The following RNF20 variants were observed in gnomAD, a reference collection of about 807,000 sequenced individuals.
The protein encoded by RNF20 is E3 ubiquitin-protein ligase BRE1A.
RNF20 carries 84 observed loss-of-function variants against 126.2 expected under a neutral mutation model. The ratio of observed to expected loss-of-function variants is 0.67; its 90% CI spans 0.56 to 0.80. The LOEUF is 0.80. RNF20 is among the 30% of genes least tolerant of loss of function. The pLI is 0.00. For missense variants in RNF20, 869 were observed against 1,188.2 expected (o/e 0.73, Z 3.95); for synonymous variants, 400 against 414.3 (o/e 0.97, Z 0.42).
chr9:101,556,865 G>T (rs529995662), intron 15 of RNF20, among the ~76,000 whole-genome samples: 2 of 152,264 alleles, frequency 1.3e-5, no homozygotes, highest in East Asian at 3.9e-4. Context: ...ATAGGCAAAA[G>T]AAATGAGTTG....
chr9:101,558,983 G>A (rs926086482), intron 16 of RNF20, among the ~76,000 whole-genome samples: 1 of 152,136 alleles, frequency 6.6e-6, no homozygotes, highest in Non-Finnish European at 1.5e-5. Flanking sequence ...CTAAGCCATT[G>A]TCTAGAAGGA....
At chr9:101,541,105 G>A (rs752140129) in intron 5 of RNF20, 130 bp downstream of exon 5, 1 of 617,442 alleles carries the variant, frequency 1.6e-6, no homozygotes, top group Non-Finnish European at 2.4e-6. Context: ...AAGAGATAAG[G>A]TTTCACTGTG....
At chr9:101,543,739 T>C (rs1203118610) in intron 5 of RNF20, among the ~76,000 whole-genome samples, 1 of 152,282 alleles carries the variant, frequency 6.6e-6, no homozygotes, top group Non-Finnish European at 1.5e-5. Flanking sequence ...AGCCCTGTCC[T>C]CAGTGCTTAG....
chr9:101,555,630 G>T (rs1322482689), intron 15 of RNF20, among the ~76,000 whole-genome samples: 2 of 152,024 alleles, frequency 1.3e-5, no homozygotes, highest in Non-Finnish European at 2.9e-5. Context: ...AACTTCATTA[G>T]ATCCTATACA....
intron 5 of RNF20, among the ~76,000 whole-genome samples, chr9:101,544,463 T>C (rs1352466816): frequency 6.6e-6 from 1 of 152,136 alleles, no homozygotes; most frequent in Non-Finnish European, 1.5e-5. Context: ...CCCAGCACTT[T>C]GGGAGGCTGA....
intron 19 of RNF20, 106 bp from the exon 20 acceptor site, chr9:101,562,139 CT>C (rs777849609): frequency 4.1e-5 from 55 of 1,356,540 alleles, no homozygotes; most frequent in Non-Finnish European, 5.5e-5. Context: ...AAATGATGCT[CT>C]TTTTTTAGTG....
In RNF20 at chr9:101,551,707, G is replaced by A. The variant is rs1827449397; in HGVS notation, c.1296G>A (p.Lys432=). The A allele has an allele frequency of 6.7e-7, 1 of 1,496,800 alleles. No individual in the cohort carries two copies. Among genetic ancestry groups the A allele is most frequent in the Non-Finnish European group, 8.9e-7 (1 of 1,117,326 alleles). The allele number at this position is 1,496,800 out of a possible 1,614,324, so 92.7% of individuals were successfully genotyped here. The change falls in exon 11 of 20, where the codon AAG becomes AAA. Residue 432 remains lysine, a synonymous_variant. Transcript: ENST00000389120. ...AGCGAGATGAGGTTAGTCTTCATAA[G>A]AAGCTGAGGACTGAAGTAATTCAGC... ...LIERDEVSLH[K]KLRTEVIQLE...
rs369800769 is a variant in RNF20, at chr9:101,543,784, T to C, written c.629-983T>C. On this transcript the variant is annotated intron_variant, in intron 5 of 19. Coordinates refer to ENST00000389120, the MANE Select transcript of RNF20 (RefSeq NM_019592.7). ...AGGACTAAAATTCAGTCTCTACTTC[T>C]TAACTCAGGTTATGAATCAGAATAA... Among the ~76,000 whole-genome samples the C allele has an allele frequency of 1.1e-3, 170 of 152,388 alleles. 1 individual carries two copies. The Middle Eastern group carries it at 0.031, about 27-fold the overall frequency.
chr9:101,540,454 C>T, intron 3 of RNF20, 36 bp from the exon 4 acceptor site: 1 of 1,611,150 alleles, frequency 6.2e-7, no homozygotes. Context: ...AAGTTGTGTC[C>T]TTTGTTTCTT....
chr9:101,540,064 TA>T, intron 2 of RNF20, 138 bp from the exon 3 acceptor site: 1 of 775,100 alleles, frequency 1.3e-6, no homozygotes, highest in Non-Finnish European at 2.0e-6. Flanking sequence ...TTCTACTTCT[TA>T]ATTACTTGTA....
chr9:101,533,997 C>G (rs1169058553), intron 1 of RNF20, 83 bp downstream of exon 1: 1 of 152,218 alleles, frequency 6.6e-6, no homozygotes, highest in Admixed American at 6.5e-5. Context: ...CCCAACAGGA[C>G]TGTGCCAGGC....
At chr9:101,537,167 G>A (rs548225880) in intron 2 of RNF20, among the ~76,000 whole-genome samples, 1 of 152,366 alleles carries the variant, frequency 6.6e-6, no homozygotes, top group South Asian at 2.1e-4. Flanking sequence ...AATCTGGCAG[G>A]CTGACAGGAC....
At chr9:101,544,278 C>T (rs938673115) in intron 5 of RNF20, among the ~76,000 whole-genome samples, 2 of 152,188 alleles carry the variant, frequency 1.3e-5, no homozygotes, top group African/African-American at 4.8e-5. Flanking sequence ...GTGATAAGAG[C>T]ATATGATTCT....
intron 2 of RNF20, 145 bp from the exon 3 acceptor site, chr9:101,540,058 A>T: frequency 1.4e-6 from 1 of 729,458 alleles, no homozygotes. Flanking sequence ...TTCTGCTTCT[A>T]CTTCTTAATT....
intron 9 of RNF20, among the ~76,000 whole-genome samples, chr9:101,548,995 A>G (rs934990983): frequency 2.0e-5 from 3 of 152,258 alleles, no homozygotes; most frequent in Non-Finnish European, 4.4e-5. Flanking sequence ...TTGGTCTTCA[A>G]ACCTGCCCAG....
rs1415039379 is a variant in RNF20 at position 101,547,177 on chromosome 9, G to A, written c.935G>A (p.Ser312Asn). ...KGYKVYGAGS[S>N]LYGGTITINA... ...TATAAGGTGTATGGAGCGGGGAGCA[G>A]TCTGTATGGCGGCACAATCACTATC... is the stretch of plus-strand genomic sequence containing the variant. The change falls in exon 8 of 20, where the codon AGT (serine) becomes AAT (asparagine). Residue 312 changes from serine to asparagine, a missense_variant. This residue lies in a region of RNF20 where 153 missense variants were observed against 226.4 expected (regional missense o/e 0.68). Coordinates refer to ENST00000389120, the MANE Select transcript of RNF20 (RefSeq NM_019592.7). The A allele has an allele frequency of 6.2e-7, 1 of 1,614,034 alleles. No homozygotes were observed. The highest frequency in any genetic ancestry group is 8.5e-7 in the Non-Finnish European group (1 of 1,180,020).
rs138898494 is a variant in RNF20, at chr9:101,541,399, A to G, written c.628+424A>G. ...TTTTAATTAAATTTTTAGAAATTCT[A>G]ACCTTCAGTGTTACTGGTAATGTCT... On this transcript the variant is annotated intron_variant, in intron 5 of 19. Coordinates refer to ENST00000389120, the MANE Select transcript of RNF20 (RefSeq NM_019592.7). Among the ~76,000 whole-genome samples the G allele has an allele frequency of 9.4e-3, 1,425 of 152,338 alleles. 11 individuals are homozygous for G. Among genetic ancestry groups the G allele is most frequent in the South Asian group, 0.019 (92 of 4,822 alleles).
In RNF20 at chr9:101,552,139, A is replaced by G. The variant is rs1827457420; in HGVS notation, c.1409-2A>G. 6.2e-7 allele frequency: 1 copy of G among 1,613,960 alleles called. No individual in the cohort carries two copies. The highest frequency in any genetic ancestry group is 1.3e-5 in the African/African-American group (1 of 74,908). On this transcript the variant is annotated splice_acceptor_variant, in intron 11 of 19. Coordinates refer to ENST00000389120, the MANE Select transcript of RNF20 (RefSeq NM_019592.7). LOFTEE classifies it high-confidence loss of function. ...CATAACATTGTTGTTCCTGTATTTA[A>G]GGCCCTATAAACAGGGAGATGCGCC...
intron 5 of RNF20, among the ~76,000 whole-genome samples, chr9:101,542,501 A>G (rs2118683466): frequency 1.3e-5 from 2 of 152,312 alleles, no homozygotes; most frequent in Admixed American, 1.3e-4. Context: ...AGTTTCTAGC[A>G]CTGCATCTGG....
Sources: gnomAD v4.1 joint callset for allele counts (sites outside exome capture counted in the v4.1 genomes callset) on GRCh38, gnomAD v4.1.1 for gene constraint, gnomAD v4.1.1 regional missense constraint, MANE v1.5 for transcripts, NCBI Gene and HGNC (gene_info 2026-07-23, HGNC 2026-07-21) for gene names.